The following MAPK14 variants were observed in gnomAD, a reference collection of about 807,000 sequenced individuals.
The protein encoded by MAPK14 is mitogen-activated protein kinase 14.
In MAPK14, 16 loss-of-function variants were observed where a neutral mutation model predicts 49.6. The ratio of observed to expected loss-of-function variants is 0.32; its 90% CI spans 0.22 to 0.49. The LOEUF is 0.49. MAPK14 is among the 20% of genes least tolerant of loss of function. The probability of loss-of-function intolerance (pLI) is 0.99; values close to 1 mark genes in which losing one functional copy is unlikely to be tolerated. For missense variants in MAPK14, 200 were observed against 441.2 expected (o/e 0.45, Z 4.90); for synonymous variants, 142 against 158.0 (o/e 0.90, Z 0.76).
intron 8 of MAPK14, chr6:36,092,191 G>C (rs1765261286): frequency 1.9e-6 from 1 of 531,958 alleles, no homozygotes; most frequent in African/African-American, 1.9e-5. Context: ...TACATTTTCT[G>C]CGTCATCTCC....
chr6:36,101,992 C>A (rs1414934999), intron 9 of MAPK14, among the ~76,000 whole-genome samples: 1 of 152,218 alleles, frequency 6.6e-6, no homozygotes, highest in East Asian at 1.9e-4. Flanking sequence ...CACTTGGAAC[C>A]AAGTACTGTG....
chr6:36,079,206 AG>A (rs2127448612), intron 8 of MAPK14, among the ~76,000 whole-genome samples: 1 of 152,358 alleles, frequency 6.6e-6, no homozygotes, highest in South Asian at 2.1e-4. Context: ...CAAGACCCAG[AG>A]AATATAATCC....
the MAPK14 span, among the ~76,000 whole-genome samples, chr6:36,123,063 G>T: frequency 2.1e-4 from 32 of 152,086 alleles, no homozygotes; most frequent in African/African-American, 7.5e-4. Context: ...CCTCCTTGTA[G>T]ATGTGAGTTT....
chr6:36,074,935 A>C (rs1030460302), intron 6 of MAPK14, among the ~76,000 whole-genome samples: 6 of 151,834 alleles, frequency 4.0e-5, no homozygotes, highest in African/African-American at 1.5e-4. Context: ...GATTACTTTA[A>C]AAAGTTTATG....
intron 8 of MAPK14, among the ~76,000 whole-genome samples, chr6:36,084,283 C>T (rs932265365): frequency 6.6e-6 from 1 of 152,212 alleles, no homozygotes; most frequent in African/African-American, 2.4e-5. Flanking sequence ...AGCCAGAGTG[C>T]TTCTTTTCCT....
At chr6:36,123,724 A>G in the MAPK14 span, among the ~76,000 whole-genome samples, 1 of 152,216 alleles carries the variant, frequency 6.6e-6, no homozygotes, top group Non-Finnish European at 1.5e-5. Flanking sequence ...ACAGGAGACA[A>G]TGCAGATTAA....
chr6:36,050,738 T>C (rs1410264933), intron 1 of MAPK14, among the ~76,000 whole-genome samples: 1 of 152,230 alleles, frequency 6.6e-6, no homozygotes, highest in Non-Finnish European at 1.5e-5. Flanking sequence ...TGGTAACGGC[T>C]GCCAAGGAAG....
chr6:36,070,616 T>C (rs949764198), intron 3 of MAPK14, among the ~76,000 whole-genome samples: 44 of 152,348 alleles, frequency 2.9e-4, no homozygotes, highest in Middle Eastern at 6.8e-3. Context: ...GTCTACTCTT[T>C]CCTCAAGGCC....
intron 8 of MAPK14, among the ~76,000 whole-genome samples, chr6:36,088,428 A>C (rs1447264436): frequency 6.6e-6 from 1 of 152,188 alleles, no homozygotes; most frequent in East Asian, 1.9e-4. Flanking sequence ...AACCCATTAA[A>C]AAGTTGGCAA....
intron 8 of MAPK14, among the ~76,000 whole-genome samples, chr6:36,089,193 T>G (rs1039968216): frequency 6.6e-6 from 1 of 152,098 alleles, no homozygotes; most frequent in African/African-American, 2.4e-5. Flanking sequence ...AAAAACATGG[T>G]ACATATACAC....
chr6:36,112,057 T>C (rs1000445826), downstream of MAPK14, among the ~76,000 whole-genome samples: 4 of 151,938 alleles, frequency 2.6e-5, no homozygotes, highest in Non-Finnish European at 4.4e-5. Context: ...ATACAAAAAA[T>C]TAGCTGGGCG....
chr6:36,093,720 C>CAAAAAAAAAAAAAAAAAAAAAAAAAAAAA (rs11343231), intron 8 of MAPK14, among the ~76,000 whole-genome samples: 1 of 83,116 alleles, frequency 1.2e-5, no homozygotes, highest in Non-Finnish European at 2.3e-5. Flanking sequence ...GACTCCGTCT[C>CAAAAAAAAAAAAAAAAAAAAAAAAAAAAA]AAAAAAAAAA....
At chr6:36,069,291 A>G (rs1764178712) in intron 3 of MAPK14, among the ~76,000 whole-genome samples, 1 of 152,072 alleles carries the variant, frequency 6.6e-6, no homozygotes. Flanking sequence ...CATCCTGTTC[A>G]TTATTTTTAG....
Position 36,028,790 on chromosome 6 carries a change from C to CTTTTTTTTTTT in MAPK14, c.116+517_116+518insTTTTTTTTTTT, listed in dbSNP as rs1562090295. On this transcript the variant is annotated intron_variant, in intron 1 of 11. Coordinates refer to ENST00000229794, the MANE Select transcript of MAPK14 (RefSeq NM_139012.3). The surrounding 1 kb of genome is among the most constrained non-coding windows in gnomAD (Gnocchi z 5.1). ...GACCAGGAAGGGAGCTCTCTCCGGG[C>CTTTTTTTTTTT]CTTTTTTTTTTTTTTTTTTTTTCAA... Among the ~76,000 whole-genome samples the CTTTTTTTTTTT allele has an allele frequency of 2.2e-5, 3 of 137,478 alleles. No individual in the cohort carries two copies. The highest frequency in any genetic ancestry group is 8.5e-5 in the African/African-American group (3 of 35,264). The allele number at this position is 137,478 out of a possible 152,430, so 90.2% of individuals were successfully genotyped here.
intron 3 of MAPK14, among the ~76,000 whole-genome samples, chr6:36,065,923 C>T (rs1011172625): frequency 6.6e-6 from 1 of 152,108 alleles, no homozygotes; most frequent in African/African-American, 2.4e-5. Context: ...TGTAATGATG[C>T]TTCTCATTGT....
rs200364147 is a variant in MAPK14, at chr6:36,052,846, G to T, written c.246+18G>T. The T allele has an allele frequency of 3.4e-5, 55 of 1,595,328 alleles. 1 individual carries two copies. The Middle Eastern group carries it at 3.3e-3, about 97-fold the overall frequency. On this transcript the variant is annotated intron_variant, in intron 2 of 11. Coordinates refer to ENST00000229794, the MANE Select transcript of MAPK14 (RefSeq NM_139012.3). Reference sequence around the variant, plus strand: ...ATGAAAATGTAAGTTATTCATTCAAGGAAGAATACATTTTGATCTTGAATA... The same window carrying T: ...ATGAAAATGTAAGTTATTCATTCAATGAAGAATACATTTTGATCTTGAATA...
chr6:36,111,436 A>C (rs1765970307), downstream of MAPK14, among the ~76,000 whole-genome samples: 1 of 152,164 alleles, frequency 6.6e-6, no homozygotes, highest in African/African-American at 2.4e-5. Flanking sequence ...TTCATCTTTG[A>C]CATTTGAGAC....
At chr6:36,074,626 T>C (rs1347293664) in intron 6 of MAPK14, among the ~76,000 whole-genome samples, 1 of 151,738 alleles carries the variant, frequency 6.6e-6, no homozygotes, top group Non-Finnish European at 1.5e-5. Flanking sequence ...TTTTTTTTCC[T>C]TTTTTTTGGG....
In MAPK14 at chr6:36,033,385, C is replaced by T. The variant is rs373577785; in HGVS notation, c.116+5112C>T. Among the ~76,000 whole-genome samples the T allele has an allele frequency of 4.0e-3, 600 of 151,186 alleles. 6 individuals are homozygous for T. Among genetic ancestry groups the T allele is most frequent in the East Asian group, 0.015 (78 of 5,154 alleles). Reference sequence around the variant, plus strand: ...AGGCTGGGGCGCAGTGGTGCAATCTCGGCTCACGGCAGCCTCTGCCTCCCG... The same window carrying T: ...AGGCTGGGGCGCAGTGGTGCAATCTTGGCTCACGGCAGCCTCTGCCTCCCG... On this transcript the variant is annotated intron_variant, in intron 1 of 11. Transcript: ENST00000229794.
Sources: gnomAD v4.1 joint callset for allele counts (sites outside exome capture counted in the v4.1 genomes callset) on GRCh38, gnomAD v4.1.1 for gene constraint, Gnocchi (gnomAD v3.1) non-coding constraint, MANE v1.5 for transcripts, NCBI Gene and HGNC (gene_info 2026-07-23, HGNC 2026-07-21) for gene names.